CTNND2: variants seen among roughly 807,000 people sequenced by gnomAD.
CTNND2 encodes the protein catenin delta 2.
Under a neutral mutation model 144.4 loss-of-function variants are expected in CTNND2, and 22 were observed. The observed-to-expected ratio is 0.15, with a 90% CI of 0.11 to 0.22. The LOEUF (loss-of-function observed/expected upper bound fraction) is 0.22. Among genes scored for constraint, CTNND2 ranks in the 10% least tolerant of loss-of-function variants. The pLI is 1.00. For missense variants in CTNND2, 1,353 were observed against 1,618.8 expected (o/e 0.84, Z 2.82); for synonymous variants, 751 against 695.6 (o/e 1.08, Z -1.25).
chr5:11,492,765 T>C (rs1769556198), intron 3 of CTNND2, among the ~76,000 whole-genome samples: 1 of 152,054 alleles, frequency 6.6e-6, no homozygotes, highest in African/African-American at 2.4e-5. Context: ...CATGCAATTA[T>C]TCTTCATATA....
At position 11,903,286 on chromosome 5, in the gene CTNND2, C is replaced by G. The variant is rs1738056977; in HGVS notation, c.37+531G>C. On this transcript the variant is annotated intron_variant, in intron 1 of 21. Coordinates refer to ENST00000304623, the MANE Select transcript of CTNND2 (RefSeq NM_001332.4). The surrounding 1 kb of genome is among the most constrained non-coding windows in gnomAD (Gnocchi z 5.4). ...TGCTGGGAAGCCGCTAAATATAGAC[C>G]AAGGGGGCTCAGGGTCTGGCAAGCC... 1.0e-6 allele frequency: 1 copy of G among 985,520 alleles called. No individual in the cohort carries two copies. Among genetic ancestry groups the G allele is most frequent in the Non-Finnish European group, 1.2e-6 (1 of 830,150 alleles). 61.0% of individuals were successfully genotyped at this position (985,520 alleles called of 1,614,324 possible).
chr5:11,195,342 T>C (rs894185902), intron 11 of CTNND2, among the ~76,000 whole-genome samples: 1 of 152,202 alleles, frequency 6.6e-6, no homozygotes, highest in Admixed American at 6.5e-5. Context: ...TTTAATGTCC[T>C]AAGCATCCCT....
Position 11,379,746 on chromosome 5 carries a change from T to C in CTNND2, c.1177+4919A>G, listed in dbSNP as rs115275011. On this transcript the variant is annotated intron_variant, in intron 7 of 21. Transcript: ENST00000304623. ...TTCACTGGCTTCCAAAGTGATTCTC[T>C]GCCCATTTTTTCTTTGTAATTCCAG... Among the ~76,000 whole-genome samples the C allele has an allele frequency of 6.8e-3, 1,042 of 152,320 alleles. 12 individuals are homozygous for C. The highest frequency in any genetic ancestry group is 0.024 in the African/African-American group (997 of 41,566).
In CTNND2 at chr5:11,674,151, C is replaced by T. The variant is rs368769320; in HGVS notation, c.174+57985G>A. Reference sequence around the variant, plus strand: ...GATTCTTTGAATATCTTTTGAATTCCAAATACAAGATACACCAGTAGACTT... The same window carrying T: ...GATTCTTTGAATATCTTTTGAATTCTAAATACAAGATACACCAGTAGACTT... On this transcript the variant is annotated intron_variant, in intron 2 of 21. Coordinates refer to ENST00000304623, the MANE Select transcript of CTNND2 (RefSeq NM_001332.4). Among the ~76,000 whole-genome samples, 10 of 152,130 alleles carry T rather than the reference C, an allele frequency of 6.6e-5. No homozygotes were observed. The East Asian group carries it at 1.9e-3, about 29-fold the overall frequency.
chr5:11,020,887 A>C (rs1742180619), intron 17 of CTNND2, among the ~76,000 whole-genome samples: 1 of 151,932 alleles, frequency 6.6e-6, no homozygotes, highest in Non-Finnish European at 1.5e-5. Flanking sequence ...GAGATAAAGG[A>C]ACAACAAGAC....
At chr5:11,028,717 T>C (rs1743126653) in intron 16 of CTNND2, among the ~76,000 whole-genome samples, 1 of 152,218 alleles carries the variant, frequency 6.6e-6, no homozygotes, top group South Asian at 2.1e-4. Flanking sequence ...ACTCTTTTTT[T>C]CTTTTTTTCC....
At chr5:11,192,032 T>G (rs1247329585) in intron 11 of CTNND2, among the ~76,000 whole-genome samples, 1 of 152,172 alleles carries the variant, frequency 6.6e-6, no homozygotes, top group Non-Finnish European at 1.5e-5. Context: ...CAAGTCCCCC[T>G]TTCCATGTCA....
intron 3 of CTNND2, among the ~76,000 whole-genome samples, chr5:11,442,817 T>C (rs1412008776): frequency 7.0e-6 from 1 of 143,662 alleles, no homozygotes; most frequent in Non-Finnish European, 1.5e-5. Context: ...TTTTATATAA[T>C]ATATAATGAT....
intron 6 of CTNND2, among the ~76,000 whole-genome samples, chr5:11,387,317 A>AG (rs1382687526): frequency 6.6e-6 from 1 of 151,566 alleles, no homozygotes; most frequent in Non-Finnish European, 1.5e-5. Flanking sequence ...ACTCTGGGGG[A>AG]GGGGCTGAGG....
intron 12 of CTNND2, among the ~76,000 whole-genome samples, chr5:11,131,488 T>G (rs1188190054): frequency 1.3e-5 from 2 of 152,180 alleles, no homozygotes; most frequent in African/African-American, 4.8e-5. Flanking sequence ...TAACAGCTAT[T>G]ATTAAAACAG....
At chr5:11,560,964 T>C (rs1362103159) in intron 3 of CTNND2, among the ~76,000 whole-genome samples, 1 of 152,138 alleles carries the variant, frequency 6.6e-6, no homozygotes, top group Non-Finnish European at 1.5e-5. Context: ...AATGCTGTTA[T>C]AAGGTTAACG....
At chr5:11,019,117 C>A (rs183186754) in intron 17 of CTNND2, among the ~76,000 whole-genome samples, 1 of 152,290 alleles carries the variant, frequency 6.6e-6, no homozygotes, top group Non-Finnish European at 1.5e-5. Context: ...ATTTCTACAA[C>A]ATAAACAAAA....
rs937371865 is a variant in CTNND2 at position 11,083,820 on chromosome 5, C to T, written c.2638-974G>A. On this transcript the variant is annotated intron_variant, in intron 15 of 21. Coordinates refer to ENST00000304623, the MANE Select transcript of CTNND2 (RefSeq NM_001332.4). ...CCAGTCCTTTCCCACCCAGTCCCCC[C>T]ACCAGGCCACCTCCACCCCCCTTCC... 2.9e-5 allele frequency: 28 copies of T among 962,562 alleles called. 1 individual carries two copies. The highest frequency in any genetic ancestry group is 3.4e-5 in the Non-Finnish European group (27 of 782,632). 59.6% of individuals were successfully genotyped at this position (962,562 alleles called of 1,614,324 possible).
At chr5:11,433,104 G>A (rs1763440013) in intron 3 of CTNND2, among the ~76,000 whole-genome samples, 1 of 152,132 alleles carries the variant, frequency 6.6e-6, no homozygotes, top group Non-Finnish European at 1.5e-5. Context: ...AAATTAGCTG[G>A]GTGTGGTGGC....
intron 1 of CTNND2, among the ~76,000 whole-genome samples, chr5:11,805,941 C>T (rs2126897442): frequency 6.6e-6 from 1 of 152,216 alleles, no homozygotes; most frequent in South Asian, 2.1e-4. Flanking sequence ...CAATAATGGT[C>T]AGTCATGTCA....
intron 3 of CTNND2, among the ~76,000 whole-genome samples, chr5:11,429,771 A>G (rs1428718669): frequency 6.6e-6 from 1 of 152,202 alleles, no homozygotes; most frequent in East Asian, 1.9e-4. Flanking sequence ...CGAAGTGATG[A>G]AAGAGTGTCT....
intron 2 of CTNND2, among the ~76,000 whole-genome samples, chr5:11,616,544 T>C (rs1780589444): frequency 6.6e-6 from 1 of 151,952 alleles, no homozygotes; most frequent in Non-Finnish European, 1.5e-5. Context: ...CCTTCCTTGC[T>C]TCCTTTCTCC....
intron 1 of CTNND2, among the ~76,000 whole-genome samples, chr5:11,898,368 C>T (rs995551034): frequency 1.8e-4 from 28 of 152,132 alleles, no homozygotes; most frequent in Non-Finnish European, 3.7e-4. Context: ...TACAATAAAG[C>T]ATTTGTACAT....
At chr5:11,093,316 T>C (rs1750975808) in intron 15 of CTNND2, among the ~76,000 whole-genome samples, 1 of 152,188 alleles carries the variant, frequency 6.6e-6, no homozygotes, top group Non-Finnish European at 1.5e-5. Context: ...TCGTTCACAT[T>C]TTGGAAATCT....
Sources: gnomAD v4.1 joint callset for allele counts (sites outside exome capture counted in the v4.1 genomes callset) on GRCh38, gnomAD v4.1.1 for gene constraint, Gnocchi (gnomAD v3.1) non-coding constraint, MANE v1.5 for transcripts, NCBI Gene and HGNC (gene_info 2026-07-23, HGNC 2026-07-21) for gene names.